GREM2: variants seen among roughly 807,000 people sequenced by gnomAD.
The protein encoded by GREM2 is gremlin 2, DAN family BMP antagonist.
In GREM2, 11 loss-of-function variants were observed where a neutral mutation model predicts 14.2. The observed-to-expected ratio is 0.78, with a 90% CI of 0.49 to 1.28. GREM2 has a LOEUF of 1.28. GREM2 is among the 50% of genes most tolerant of loss of function. GREM2 has a pLI of 0.00. For synonymous variants in GREM2, 98 were observed against 97.6 expected, an observed-to-expected ratio of 1.00 and a Z score of -0.02; for missense variants, 210 against 218.5, an observed-to-expected ratio of 0.96 and a Z score of 0.24.
chr1:240,596,876 G>A (rs935611207), intron 1 of GREM2, among the ~76,000 whole-genome samples: 2 of 152,118 alleles, frequency 1.3e-5, no homozygotes, highest in East Asian at 3.9e-4. Flanking sequence ...TTATCTCCTT[G>A]TGCATACTTC....
chr1:240,595,987 T>A (rs1679812869), intron 1 of GREM2, among the ~76,000 whole-genome samples: 1 of 152,178 alleles, frequency 6.6e-6, no homozygotes, highest in African/African-American at 2.4e-5. Flanking sequence ...AAGGCTTAAA[T>A]GCACTGGAAG....
At chr1:240,574,260 A>C (rs1679316915) in intron 1 of GREM2, among the ~76,000 whole-genome samples, 1 of 152,134 alleles carries the variant, frequency 6.6e-6, no homozygotes, top group African/African-American at 2.4e-5. Context: ...TATAGAATTC[A>C]ATTTTAAAAC....
At chr1:240,510,369 CAAAAAAAAA>C (rs71170753) in intron 1 of GREM2, among the ~76,000 whole-genome samples, 31 of 59,552 alleles carry the variant, frequency 5.2e-4, no homozygotes, top group African/African-American at 1.6e-3. Flanking sequence ...GACTCCGTCG[CAAAAAAAAA>C]AAAAAAAAAA....
intron 1 of GREM2, among the ~76,000 whole-genome samples, chr1:240,581,535 CA>C (rs1160324490): frequency 2.6e-5 from 4 of 152,036 alleles, no homozygotes; most frequent in African/African-American, 9.7e-5. Context: ...AATTTTATAA[CA>C]AAGTCATTAA....
intron 1 of GREM2, among the ~76,000 whole-genome samples, chr1:240,568,145 A>G (rs1679200733): frequency 6.6e-6 from 1 of 152,186 alleles, no homozygotes; most frequent in African/African-American, 2.4e-5. Flanking sequence ...TGTAGCATTT[A>G]TAACATATAT....
At chr1:240,509,240 C>A (rs1383131287) in intron 1 of GREM2, among the ~76,000 whole-genome samples, 1 of 152,102 alleles carries the variant, frequency 6.6e-6, no homozygotes. Flanking sequence ...TTGAGAGAGG[C>A]CCCTGCACCG....
At chr1:240,521,314 A>C (rs890624664) in intron 1 of GREM2, among the ~76,000 whole-genome samples, 12 of 152,196 alleles carry the variant, frequency 7.9e-5, no homozygotes, top group Non-Finnish European at 1.0e-4. Flanking sequence ...CACGCCTGTA[A>C]TCCCAGCACT....
At chr1:240,505,061 T>C (rs1176968018) in intron 1 of GREM2, among the ~76,000 whole-genome samples, 3 of 152,126 alleles carry the variant, frequency 2.0e-5, no homozygotes, top group Non-Finnish European at 4.4e-5. Context: ...CCTAGTGCTG[T>C]GCTCATGATA....
At chr1:240,504,600 C>CA (rs1357456863) in intron 1 of GREM2, among the ~76,000 whole-genome samples, 4 of 151,876 alleles carry the variant, frequency 2.6e-5, no homozygotes, top group African/African-American at 7.3e-5. Context: ...GCCTAAAGTA[C>CA]AAAAAAAGGC....
At chr1:240,583,605 ATCTT>A (rs1221765915) in intron 1 of GREM2, among the ~76,000 whole-genome samples, 44 of 146,902 alleles carry the variant, frequency 3.0e-4, no homozygotes, top group East Asian at 1.8e-3. Context: ...ACTCATCTCT[ATCTT>A]TTTTTTTTTT....
chr1:240,515,327 T>C (rs992884423), intron 1 of GREM2, among the ~76,000 whole-genome samples: 5 of 152,232 alleles, frequency 3.3e-5, no homozygotes, highest in Admixed American at 1.3e-4. Flanking sequence ...ATTCATAGTT[T>C]TGATTATTTA....
In GREM2 at chr1:240,608,743, G is replaced by A. The variant is rs77544345; in HGVS notation, c.-2+3141C>T. On this transcript the variant is annotated intron_variant, in intron 1 of 1. Transcript: ENST00000318160. ...GATTTTGCCAGGTAGCACCAATTCT[G>A]GAGGCCAAAATAGAAACAAACCCTT... 7.6e-3 allele frequency among the ~76,000 whole-genome samples: 1,154 copies of A among 152,276 alleles called. 8 individuals are homozygous for A. The highest frequency in any genetic ancestry group is 0.027 in the African/African-American group (1,107 of 41,556).
chr1:240,520,902 T>G (rs963673930), intron 1 of GREM2, among the ~76,000 whole-genome samples: 3 of 147,342 alleles, frequency 2.0e-5, no homozygotes, highest in African/African-American at 7.5e-5. Context: ...TGATATTTTG[T>G]CTTCATGGGC....
At chr1:240,611,793 G>A (rs1680142023) in intron 1 of GREM2, 91 bp downstream of exon 1, 1 of 152,628 alleles carries the variant, frequency 6.6e-6, no homozygotes, top group Non-Finnish European at 1.5e-5. Flanking sequence ...ACCAGCCACG[G>A]AACAAACAAC....
intron 1 of GREM2, among the ~76,000 whole-genome samples, chr1:240,570,442 C>G (rs1482609274): frequency 6.6e-6 from 1 of 152,032 alleles, no homozygotes; most frequent in East Asian, 1.9e-4. Flanking sequence ...TGCCTGGTGA[C>G]AAAGCAAGAC....
intron 1 of GREM2, among the ~76,000 whole-genome samples, chr1:240,607,049 T>C (rs1680040115): frequency 6.6e-6 from 1 of 152,212 alleles, no homozygotes; most frequent in Admixed American, 6.5e-5. Context: ...TAATGTCATC[T>C]GTAAATGAGG....
intron 1 of GREM2, among the ~76,000 whole-genome samples, chr1:240,592,302 T>C (rs982404798): frequency 1.3e-4 from 20 of 152,208 alleles, no homozygotes; most frequent in Non-Finnish European, 2.6e-4. Context: ...GACTGACTTA[T>C]AACTTTTTAT....
chr1:240,502,536 C>T (rs144562693), intron 1 of GREM2, among the ~76,000 whole-genome samples: 1 of 152,280 alleles, frequency 6.6e-6, no homozygotes, highest in East Asian at 1.9e-4. Context: ...CTTCAACTAG[C>T]TCTCTGCTCA....
At chr1:240,568,593 A>T (rs1679207566) in intron 1 of GREM2, among the ~76,000 whole-genome samples, 1 of 152,192 alleles carries the variant, frequency 6.6e-6, no homozygotes, top group Non-Finnish European at 1.5e-5. Flanking sequence ...CTCTGAATAT[A>T]AAAACTAAAA....
Sources: gnomAD v4.1 joint callset for allele counts (sites outside exome capture counted in the v4.1 genomes callset) on GRCh38, gnomAD v4.1.1 for gene constraint, MANE v1.5 for transcripts, NCBI Gene and HGNC (gene_info 2026-07-23, HGNC 2026-07-21) for gene names.